The following SP5 variants were observed in gnomAD, a reference collection of about 807,000 sequenced individuals.
The protein encoded by SP5 is transcription factor Sp5.
Under a neutral mutation model 27.4 loss-of-function variants are expected in SP5, and 12 were observed. The observed-to-expected ratio is 0.44, with a 90% CI of 0.28 to 0.71. The LOEUF (loss-of-function observed/expected upper bound fraction) is 0.71. SP5 is among the 30% of genes least tolerant of loss of function. SP5 has a pLI of 0.15. For synonymous variants in SP5, 330 were observed against 290.7 expected, an observed-to-expected ratio of 1.14 and a Z score of -1.38; for missense variants, 660 against 589.8, an observed-to-expected ratio of 1.12 and a Z score of -1.23.
At position 170,715,355 on chromosome 2, in the gene SP5, G is replaced by A. The variant is rs765993148; in HGVS notation, c.-158G>A. ...AGCGCTCAGACCGCGCGCGGGGCGA[G>A]CGAGCGGGGCGCGGCGAGGGGCAAG... On this transcript the variant is annotated 5_prime_UTR_variant, in exon 1 of 2. Transcript: ENST00000375281. 2 of 958,916 alleles carry A rather than the reference G, an allele frequency of 2.1e-6. No individual in the cohort carries two copies. Among genetic ancestry groups the A allele is most frequent in the African/African-American group, 1.8e-5 (1 of 57,062 alleles). 59.4% of individuals were successfully genotyped at this position (958,916 alleles called of 1,614,324 possible).
chr2:170,715,963 G>T (rs1700055857), intron 1 of SP5: 2 of 1,346,652 alleles, frequency 1.5e-6, no homozygotes. Flanking sequence ...GGAGGGGCCC[G>T]TCGGATGCCT....
chr2:170,717,501 T>G lies in SP5; in HGVS notation c.*97T>G, dbSNP rs1166403386. 6.9e-7 allele frequency: 1 copy of G among 1,459,778 alleles called. No homozygotes were observed. 90.4% of individuals were successfully genotyped at this position (1,459,778 alleles called of 1,614,324 possible). On this transcript the variant is annotated 3_prime_UTR_variant, in exon 2 of 2. Transcript: ENST00000375281. ...GGGGAGACTCAGCAGACGGACCCTC[T>G]CCGTTGCCTGCCTCCCAAAATGGAG...
Position 170,717,487 on chromosome 2 carries a change from G to A in SP5, c.*83G>A. 3.9e-6 allele frequency: 6 copies of A among 1,528,258 alleles called. No homozygotes were observed. In the South Asian group the frequency reaches 7.1e-5, roughly 18 times the overall value. The allele number at this position is 1,528,258 out of a possible 1,614,324, so 94.7% of individuals were successfully genotyped here. On this transcript the variant is annotated 3_prime_UTR_variant, in exon 2 of 2. Coordinates refer to ENST00000375281, the MANE Select transcript of SP5 (RefSeq NM_001003845.3). ...GGGCAGCTGGCGGAGGGGAGACTCA[G>A]CAGACGGACCCTCTCCGTTGCCTGC...
Position 170,716,423 on chromosome 2 carries a change from G to T in SP5, c.216G>T (p.Pro72=). 1 of 1,600,864 alleles carries T rather than the reference G, an allele frequency of 6.2e-7. No homozygotes were observed. Among genetic ancestry groups the T allele is most frequent in the Non-Finnish European group, 8.5e-7 (1 of 1,178,894 alleles). ...GCTCACCCTCCAGGCTCTTCCACCC[G>T]TGGACCGCCGACATGCCGGCGCACT... ...ALGSPSRLFH[P]WTADMPAHSP... Residue 72 remains proline, a synonymous_variant, in exon 2 of 2, where the codon CCG becomes CCT. Coordinates refer to ENST00000375281, the MANE Select transcript of SP5 (RefSeq NM_001003845.3).
At position 170,716,801 on chromosome 2, in the gene SP5, G is replaced by A; in HGVS notation, c.594G>A (p.Gly198=). 7.2e-7 allele frequency: 1 copy of A among 1,396,070 alleles called. No individual in the cohort carries two copies. Among genetic ancestry groups the A allele is most frequent in the East Asian group, 3.1e-5 (1 of 32,488 alleles). 86.5% of individuals were successfully genotyped at this position (1,396,070 alleles called of 1,614,324 possible). Residue 198 remains glycine, a synonymous_variant, in exon 2 of 2, where the codon GGG becomes GGA. Coordinates refer to ENST00000375281, the MANE Select transcript of SP5 (RefSeq NM_001003845.3). ...GGAGCATCCCGCAGGCGGGCGCCGG[G>A]CCGGGGGCCTCCGGGGTTCCGGGAA... ...PWWSIPQAGA[G]PGASGVPGSG...
In SP5 at chr2:170,715,468, G is replaced by A. The variant is rs761197690; in HGVS notation, c.-45G>A. 26 of 1,540,972 alleles carry A rather than the reference G, an allele frequency of 1.7e-5. No homozygotes were observed. Among genetic ancestry groups the A allele is most frequent in the Admixed American group, 4.0e-5 (2 of 50,552 alleles). The stretch of plus-strand genomic sequence containing the variant: ...CTCGCCTTCGGGTGTCCATGCCTCG[G>A]CGGCGGCGTCCCGCTCCGCAGCCAG... On this transcript the variant is annotated 5_prime_UTR_variant, in exon 1 of 2. Coordinates refer to ENST00000375281, the MANE Select transcript of SP5 (RefSeq NM_001003845.3).
chr2:170,717,014 G>C lies in SP5; in HGVS notation c.807G>C (p.Arg269Ser). Residue 269 changes from arginine to serine, a missense_variant, in exon 2 of 2, where the codon AGG (arginine) becomes AGC (serine). By Grantham distance (110) the Arg-to-Ser change is moderately radical (BLOSUM62 -1). Coordinates refer to ENST00000375281, the MANE Select transcript of SP5 (RefSeq NM_001003845.3). ...AGGCCCCCCTGGCGGCCACGGCCAG[G>C]AGGTGCCGCCGCTGCCGCTGTCCCA... ...QTKAPLAATA[R>S]RCRRCRCPNC... The C allele has an allele frequency of 6.5e-7, 1 of 1,547,322 alleles. No homozygotes were observed. Among genetic ancestry groups the C allele is most frequent in the African/African-American group, 1.4e-5 (1 of 73,096 alleles).
rs753423239 is a variant in SP5, at chr2:170,717,096, G to A, written c.889G>A (p.Val297Met). 3 of 1,577,366 alleles carry A rather than the reference G, an allele frequency of 1.9e-6. No individual in the cohort carries two copies. The highest frequency in any genetic ancestry group is 2.3e-5 in the East Asian group (1 of 42,840). The part of the protein sequence containing the change: ...EAEPGKKKQH[V>M]CHVPGCGKVY... ...GGAGCCGGGGAAGAAGAAGCAGCAC[G>A]TGTGCCACGTGCCGGGCTGCGGCAA... is the stretch of plus-strand genomic sequence containing the variant. The change falls in exon 2 of 2, where the codon GTG becomes ATG. Residue 297 changes from valine to methionine, a missense_variant. Val to Met is a conservative substitution (Grantham distance 21). Coordinates refer to ENST00000375281, the MANE Select transcript of SP5 (RefSeq NM_001003845.3).
At chr2:170,715,909 G>A (rs902073245) in intron 1 of SP5, 4 of 1,333,932 alleles carry the variant, frequency 3.0e-6, no homozygotes, top group African/African-American at 1.5e-5. Context: ...CGGCCGGCCG[G>A]CGGGGTTGTG....
At chr2:170,716,093 C>CTCGGCCGGTGGGTGCGTGCGTGGGG in intron 1 of SP5, 166 bp from the exon 2 acceptor site, 1 of 1,403,494 alleles carries the variant, frequency 7.1e-7, no homozygotes, top group Non-Finnish European at 9.2e-7. Context: ...AAAAGTTTCC[C>CTCGGCCGGTGGGTGCGTGCGTGGGG]TCGGCCGGTG....
Position 170,716,716 on chromosome 2 carries a change from C to A in SP5, c.509C>A (p.Pro170His), listed in dbSNP as rs990973143. 1 of 1,492,134 alleles carries A rather than the reference C, an allele frequency of 6.7e-7. No individual in the cohort carries two copies. The highest frequency in any genetic ancestry group is 8.9e-7 in the Non-Finnish European group (1 of 1,128,992). 92.4% of individuals were successfully genotyped at this position (1,492,134 alleles called of 1,614,324 possible). The stretch of plus-strand genomic sequence containing the variant: ...CTGCTGCCTCCGCCGCCGCCACCGC[C>A]CCCGCCGCCCACCTGCCGCCAGTTG... ...SNLLPPPPPPPPPPTCRQLSP... is the reference protein window; with the variant it reads ...SNLLPPPPPPHPPPTCRQLSP... Residue 170 changes from proline to histidine, a missense_variant, in exon 2 of 2, where the codon CCC (proline) becomes CAC (histidine). By Grantham distance (77) the Pro-to-His change is moderately conservative. Coordinates refer to ENST00000375281, the MANE Select transcript of SP5 (RefSeq NM_001003845.3).
rs1236321599 is a variant in SP5, at chr2:170,717,371, CG to C, written c.1168del (p.Val390LeufsTer116). On this transcript the variant is annotated frameshift_variant, in exon 2 of 2. Coordinates refer to ENST00000375281, the MANE Select transcript of SP5 (RefSeq NM_001003845.3). LOFTEE classifies it high-confidence loss of function. ...QNKKLKVAEA[G>X]VKREDARDL The stretch of plus-strand genomic sequence containing the variant: ...ATAAGAAGCTCAAAGTCGCTGAGGC[CG>C]GGGTTAAGCGGGAGGACGCGCGGGA... 2 of 1,610,986 alleles carry C rather than the reference CG, an allele frequency of 1.2e-6. No homozygotes were observed. Among genetic ancestry groups the C allele is most frequent in the Non-Finnish European group, 1.7e-6 (2 of 1,179,978 alleles).
intron 1 of SP5, chr2:170,715,775 G>C (rs867846348): frequency 3.0e-6 from 3 of 985,346 alleles, no homozygotes; most frequent in Admixed American, 6.1e-5. Context: ...GGAGGTGCCC[G>C]GCTGGCCGAG....
chr2:170,715,923 GT>G, intron 1 of SP5: 1 of 1,338,356 alleles, frequency 7.5e-7, no homozygotes, highest in Non-Finnish European at 9.5e-7. Flanking sequence ...GGTTGTGGGT[GT>G]TTCCCGACTC....
chr2:170,716,999 G>T lies in SP5; in HGVS notation c.792G>T (p.Leu264=), dbSNP rs1182692782. 6.5e-7 allele frequency: 1 copy of T among 1,547,746 alleles called. No homozygotes were observed. The highest frequency in any genetic ancestry group is 1.2e-5 in the South Asian group (1 of 83,956). ...IAALLQTKAP[L]AATARRCRRC... is the part of the protein sequence containing the mutation. ...CGCTGCTGCAGACCAAGGCCCCCCT[G>T]GCGGCCACGGCCAGGAGGTGCCGCC... Residue 264 remains leucine (L), a synonymous_variant, in exon 2 of 2, where the codon CTG becomes CTT. Coordinates refer to ENST00000375281, the MANE Select transcript of SP5 (RefSeq NM_001003845.3).
intron 1 of SP5, 176 bp from the exon 2 acceptor site, chr2:170,716,083 A>G (rs1352585797): frequency 6.4e-6 from 9 of 1,403,658 alleles, no homozygotes; most frequent in South Asian, 1.6e-5. Context: ...CGCAGGCACC[A>G]AAAGTTTCCC....
In SP5 at chr2:170,717,547, G is replaced by A; in HGVS notation, c.*143G>A. 8.7e-7 allele frequency: 1 copy of A among 1,151,854 alleles called. No homozygotes were observed. 71.4% of individuals were successfully genotyped at this position (1,151,854 alleles called of 1,614,324 possible). A position where few individuals can be genotyped will look rare whatever the true frequency, so the allele number is the denominator to read the frequency against. On this transcript the variant is annotated 3_prime_UTR_variant, in exon 2 of 2. Coordinates refer to ENST00000375281, the MANE Select transcript of SP5 (RefSeq NM_001003845.3). ...TGGAGCCAGGCTTCCAACTTCCGCT[G>A]CCTTCGGACATAGGGACCCAGTTCC... is the stretch of plus-strand genomic sequence containing the variant.
In SP5 at chr2:170,716,817, G is replaced by A. The variant is rs1346629792; in HGVS notation, c.610G>A (p.Val204Ile). The stretch of plus-strand genomic sequence containing the variant: ...GGGCGCCGGGCCGGGGGCCTCCGGG[G>A]TTCCGGGAAGCGGCCTCTCCGGCGC... The part of the protein sequence containing the change: ...QAGAGPGASG[V>I]PGSGLSGACA... Residue 204 changes from valine to isoleucine, a missense_variant, in exon 2 of 2, where the codon GTT (valine) becomes ATT (isoleucine). Coordinates refer to ENST00000375281, the MANE Select transcript of SP5 (RefSeq NM_001003845.3). 1.4e-6 allele frequency: 2 copies of A among 1,398,810 alleles called. No individual in the cohort carries two copies. The highest frequency in any genetic ancestry group is 3.1e-5 in the African/African-American group (2 of 65,530). 86.6% of individuals were successfully genotyped at this position (1,398,810 alleles called of 1,614,324 possible). A position where few individuals can be genotyped will look rare whatever the true frequency, so the allele number is the denominator to read the frequency against.
chr2:170,716,768 C>A lies in SP5; in HGVS notation c.561C>A (p.Leu187=), dbSNP rs1410684273. The A allele has an allele frequency of 5.5e-6, 8 of 1,450,054 alleles. No individual in the cohort carries two copies. The East Asian group carries it at 1.8e-4, about 32-fold the overall frequency. 89.8% of individuals were successfully genotyped at this position (1,450,054 alleles called of 1,614,324 possible). The change falls in exon 2 of 2, where the codon CTC becomes CTA. Residue 187 remains leucine (L), a synonymous_variant. Transcript: ENST00000375281. ...QLSPNPAPDD[L]PWWSIPQAGA... is the part of the protein sequence containing the mutation. ...CACCCAACCCGGCCCCCGACGACCT[C>A]CCGTGGTGGAGCATCCCGCAGGCGG...
Sources: gnomAD v4.1 joint callset for allele counts on GRCh38, gnomAD v4.1.1 for gene constraint, MANE v1.5 for transcripts, NCBI Gene and HGNC (gene_info 2026-07-23, HGNC 2026-07-21) for gene names.